NEGR1: variants seen among roughly 807,000 people sequenced by gnomAD.
NEGR1 encodes the protein IgLON family member 4.
A neutral mutation model predicts 40.9 loss-of-function variants in NEGR1; 10 were observed. The observed-to-expected ratio is 0.24, with a 90% CI of 0.15 to 0.42. The LOEUF is 0.42. Ranked by LOEUF, NEGR1 falls within the 10% of genes least tolerant of loss-of-function variation. The probability of loss-of-function intolerance (pLI) is 1.00; values close to 1 mark genes in which losing one functional copy is unlikely to be tolerated. For synonymous variants in NEGR1, 185 were observed against 166.8 expected (o/e 1.11, Z -0.84); for missense variants, 352 against 438.9 (o/e 0.80, Z 1.77).
intron 1 of NEGR1, among the ~76,000 whole-genome samples, chr1:71,983,977 T>C (rs1307094487): frequency 8.5e-6 from 1 of 117,578 alleles, no homozygotes; most frequent in Non-Finnish European, 2.0e-5. Context: ...GCTAAAGGAG[T>C]CTCAAAACTT....
chr1:71,875,145 C>T (rs542896659), intron 2 of NEGR1, among the ~76,000 whole-genome samples: 3 of 152,080 alleles, frequency 2.0e-5, no homozygotes, highest in Non-Finnish European at 4.4e-5. Context: ...CTGTGCCTGG[C>T]CAAGTTTTTC....
intron 1 of NEGR1, among the ~76,000 whole-genome samples, chr1:71,938,188 C>T (rs1570529455): frequency 6.6e-6 from 1 of 151,948 alleles, no homozygotes; most frequent in East Asian, 1.9e-4. Flanking sequence ...GAATTATTCT[C>T]AAATGTTCTA....
intron 1 of NEGR1, among the ~76,000 whole-genome samples, chr1:72,233,777 T>C (rs1165024585): frequency 1.3e-5 from 2 of 152,100 alleles, no homozygotes; most frequent in African/African-American, 4.8e-5. Flanking sequence ...GTCTTTTTGG[T>C]AGAATGATTT....
At chr1:71,668,420 T>G (rs528204448) in intron 4 of NEGR1, among the ~76,000 whole-genome samples, 1 of 152,324 alleles carries the variant, frequency 6.6e-6, no homozygotes, top group South Asian at 2.1e-4. Context: ...TAGAGCCAAA[T>G]GCTTTTTAGT....
At position 72,021,426 on chromosome 1, in the gene NEGR1, G is replaced by T. The variant is rs145423344; in HGVS notation, c.177-86115C>A. ...GTACTTTTGAAAAGCAGAAATTAAT[G>T]CATTTGAAATTCAGGTATAACAGAG... On this transcript the variant is annotated intron_variant, in intron 1 of 6. Coordinates refer to ENST00000357731, the MANE Select transcript of NEGR1 (RefSeq NM_173808.3). 3.2e-4 allele frequency among the ~76,000 whole-genome samples: 49 copies of T among 152,164 alleles called. 2 individuals are homozygous for T. The East Asian group carries it at 8.5e-3, about 26-fold the overall frequency.
chr1:71,877,932 CCATGGCCTGT>C (rs1335382073), intron 2 of NEGR1, among the ~76,000 whole-genome samples: 1 of 152,022 alleles, frequency 6.6e-6, no homozygotes, highest in Non-Finnish European at 1.5e-5. Context: ...GTAAAATATA[CCATGGCCTGT>C]CATGGCCTGA....
rs146828717 is a variant in NEGR1 at position 71,422,160 on chromosome 1, G to C, written c.941-14590C>G. On this transcript the variant is annotated intron_variant, in intron 6 of 6. Coordinates refer to ENST00000357731, the MANE Select transcript of NEGR1 (RefSeq NM_173808.3). ...TCTGAATTAGGAACAAAAAACTCAC[G>C]AATACAAATGAAGGTTTTCATTAAG... Among the ~76,000 whole-genome samples the C allele has an allele frequency of 2.2e-3, 331 of 152,156 alleles. 1 individual carries two copies. Among genetic ancestry groups the C allele is most frequent in the African/African-American group, 7.7e-3 (318 of 41,550 alleles).
chr1:71,631,664 A>G (rs1369827470), intron 4 of NEGR1, among the ~76,000 whole-genome samples: 5 of 151,866 alleles, frequency 3.3e-5, no homozygotes, highest in Admixed American at 2.0e-4. Flanking sequence ...AAAAATTCAC[A>G]TTCACTTAGT....
At chr1:72,097,732 C>G (rs188723554) in intron 1 of NEGR1, among the ~76,000 whole-genome samples, 43 of 152,298 alleles carry the variant, frequency 2.8e-4, no homozygotes, top group Admixed American at 1.1e-3. Context: ...TCTCTAAGAA[C>G]TGACAATGCC....
chr1:71,687,818 C>A (rs1309635144), intron 4 of NEGR1, among the ~76,000 whole-genome samples: 1 of 152,070 alleles, frequency 6.6e-6, no homozygotes, highest in African/African-American at 2.4e-5. Flanking sequence ...TTTCAATTTA[C>A]GTGAAAGCAG....
chr1:72,159,978 T>C (rs1019694779), intron 1 of NEGR1, among the ~76,000 whole-genome samples: 4 of 152,160 alleles, frequency 2.6e-5, no homozygotes, highest in African/African-American at 7.2e-5. Flanking sequence ...TTAAATTAAA[T>C]AGATTTTATA....
chr1:71,449,901 T>C (rs549594093), intron 6 of NEGR1, among the ~76,000 whole-genome samples: 1 of 152,272 alleles, frequency 6.6e-6, no homozygotes, highest in East Asian at 1.9e-4. Context: ...CATTGAGTGA[T>C]ATAAGCCAGG....
chr1:71,777,080 C>A (rs540397563), intron 2 of NEGR1, among the ~76,000 whole-genome samples: 1 of 151,956 alleles, frequency 6.6e-6, no homozygotes, highest in Non-Finnish European at 1.5e-5. Flanking sequence ...ATAATACATT[C>A]GGGAAATGTT....
chr1:72,086,528 A>G (rs1648227527), intron 1 of NEGR1, among the ~76,000 whole-genome samples: 1 of 152,210 alleles, frequency 6.6e-6, no homozygotes, highest in South Asian at 2.1e-4. Context: ...TTTATTCACA[A>G]CATGAATGAA....
chr1:71,857,769 T>C (rs1180075977), intron 2 of NEGR1, among the ~76,000 whole-genome samples: 1 of 151,998 alleles, frequency 6.6e-6, no homozygotes, highest in Non-Finnish European at 1.5e-5. Flanking sequence ...CTGTGATATA[T>C]TAATTCTATT....
chr1:71,618,195 G>A (rs969709295), intron 4 of NEGR1, among the ~76,000 whole-genome samples: 3 of 152,116 alleles, frequency 2.0e-5, no homozygotes, highest in African/African-American at 7.2e-5. Flanking sequence ...CTCAGCTTTC[G>A]AAAGACTTTG....
chr1:72,046,265 T>C (rs573146595), intron 1 of NEGR1, among the ~76,000 whole-genome samples: 6 of 151,716 alleles, frequency 4.0e-5, no homozygotes, highest in African/African-American at 1.4e-4. Context: ...TTGACACTTA[T>C]AGGATGAAAT....
At position 71,999,702 on chromosome 1, in the gene NEGR1, C is replaced by T. The variant is rs186740485; in HGVS notation, c.177-64391G>A. On this transcript the variant is annotated intron_variant, in intron 1 of 6. Coordinates refer to ENST00000357731, the MANE Select transcript of NEGR1 (RefSeq NM_173808.3). ...ATACATACATATTTTTGTCCGGTCT[C>T]GGAGCCTTGACTTTACATGGAGTCT... is the stretch of plus-strand genomic sequence containing the variant. Among the ~76,000 whole-genome samples, 33 of 116,798 alleles carry T rather than the reference C, an allele frequency of 2.8e-4. No individual in the cohort carries two copies. In the South Asian group the frequency reaches 5.7e-3, roughly 20 times the overall value. The allele number at this position is 116,798 out of a possible 152,430, so 76.6% of individuals were successfully genotyped here.
chr1:72,043,286 T>G (rs2100460973), intron 1 of NEGR1, among the ~76,000 whole-genome samples: 1 of 152,058 alleles, frequency 6.6e-6, no homozygotes, highest in African/African-American at 2.4e-5. Flanking sequence ...AGATTTCTAA[T>G]ACTTTTGTAA....
Sources: gnomAD v4.1 joint callset for allele counts (sites outside exome capture counted in the v4.1 genomes callset) on GRCh38, gnomAD v4.1.1 for gene constraint, MANE v1.5 for transcripts, NCBI Gene and HGNC (gene_info 2026-07-23, HGNC 2026-07-21) for gene names.